CDYL: variants seen among roughly 807,000 people sequenced by gnomAD.
CDYL encodes the protein chromodomain Y-like protein.
A neutral mutation model predicts 47.3 loss-of-function variants in CDYL; 8 were observed. The observed-to-expected ratio is 0.17, with a 90% confidence interval of 0.10 to 0.31. The LOEUF (loss-of-function observed/expected upper bound fraction) is 0.31, where lower values mean the gene tolerates loss of function less well. Among genes scored for constraint, CDYL ranks in the 10% least tolerant of loss-of-function variants. The pLI is 1.00. For synonymous variants in CDYL, 266 were observed against 265.0 expected (o/e 1.00, Z -0.04); for missense variants, 471 against 701.4 (o/e 0.67, Z 3.71).
chr6:4,717,098 G>A (rs1458013937), intron 2 of CDYL, among the ~76,000 whole-genome samples: 1 of 152,156 alleles, frequency 6.6e-6, no homozygotes, highest in Non-Finnish European at 1.5e-5. Context: ...AGGAAGAAAA[G>A]GGTGGGTAGG....
intron 2 of CDYL, among the ~76,000 whole-genome samples, chr6:4,930,001 G>C (rs1486147091): frequency 6.6e-6 from 1 of 152,084 alleles, no homozygotes; most frequent in African/African-American, 2.4e-5. Context: ...ATATCAGTTT[G>C]ATCCTTTCAC....
chr6:4,893,509 A>G (rs892648889), intron 2 of CDYL, among the ~76,000 whole-genome samples: 23 of 152,224 alleles, frequency 1.5e-4, no homozygotes, highest in African/African-American at 5.5e-4. Context: ...CCTGGCCAAC[A>G]TGGTGAAACC....
intron 1 of CDYL, among the ~76,000 whole-genome samples, chr6:4,708,232 T>C (rs1028230038): frequency 1.3e-5 from 2 of 152,136 alleles, no homozygotes; most frequent in Non-Finnish European, 2.9e-5. Flanking sequence ...GGCATGATCT[T>C]GACTTACTGC....
chr6:4,839,896 A>G (rs189955236), intron 1 of CDYL, among the ~76,000 whole-genome samples: 1 of 152,020 alleles, frequency 6.6e-6, no homozygotes, highest in Non-Finnish European at 1.5e-5. Flanking sequence ...TGCTTTGGTT[A>G]TGTGGGCAGT....
intron 3 of CDYL, among the ~76,000 whole-genome samples, chr6:4,738,963 C>T (rs1173014719): frequency 6.6e-6 from 1 of 151,412 alleles, no homozygotes; most frequent in Non-Finnish European, 1.5e-5. Flanking sequence ...GGAGTTCAAG[C>T]CCAGCCTGAC....
chr6:4,722,882 A>T (rs559822054), intron 2 of CDYL, among the ~76,000 whole-genome samples: 1 of 152,198 alleles, frequency 6.6e-6, no homozygotes, highest in Non-Finnish European at 1.5e-5. Flanking sequence ...TGTCTCAAAA[A>T]ATAAAATAAA....
intron 1 of CDYL, among the ~76,000 whole-genome samples, chr6:4,791,981 C>A (rs2127435100): frequency 6.7e-6 from 1 of 150,020 alleles, no homozygotes; most frequent in South Asian, 2.1e-4. Flanking sequence ...CTCCTGGGTT[C>A]ACGCCATTCT....
chr6:4,769,533 T>C (rs110284), intron 3 of CDYL, among the ~76,000 whole-genome samples: 17,812 of 152,216 alleles, frequency 0.12, 1,764 homozygotes, highest in African/African-American at 0.27. Context: ...TTTTTTAAAA[T>C]GCTAAATGTA....
At chr6:4,878,601 AT>A (rs2127476839) in intron 1 of CDYL, among the ~76,000 whole-genome samples, 1 of 152,062 alleles carries the variant, frequency 6.6e-6, no homozygotes, top group South Asian at 2.1e-4. Context: ...ATATTTTGTT[AT>A]TTTAATGTCT....
intron 3 of CDYL, among the ~76,000 whole-genome samples, chr6:4,741,618 A>G (rs893235923): frequency 1.3e-4 from 20 of 152,202 alleles, no homozygotes; most frequent in Admixed American, 3.3e-4. Flanking sequence ...TTTTAAGAAC[A>G]CTTCCAGGCA....
At chr6:4,779,795 A>G (rs1373214312) in intron 1 of CDYL, among the ~76,000 whole-genome samples, 1 of 152,168 alleles carries the variant, frequency 6.6e-6, no homozygotes, top group African/African-American at 2.4e-5. Flanking sequence ...CTTGTGGGTT[A>G]TATTATGGTC....
At chr6:4,889,558 T>G (rs906085816) in intron 1 of CDYL, among the ~76,000 whole-genome samples, 1 of 152,158 alleles carries the variant, frequency 6.6e-6, no homozygotes, top group African/African-American at 2.4e-5. Flanking sequence ...ATCAAAAGAA[T>G]AATAATATTT....
At chr6:4,794,459 T>C (rs1759014014) in intron 1 of CDYL, among the ~76,000 whole-genome samples, 1 of 152,074 alleles carries the variant, frequency 6.6e-6, no homozygotes, top group African/African-American at 2.4e-5. Flanking sequence ...GTGGTGATTA[T>C]GGGCGACTCC....
At chr6:4,851,674 T>C (rs544756192) in intron 1 of CDYL, among the ~76,000 whole-genome samples, 109 of 152,246 alleles carry the variant, frequency 7.2e-4, no homozygotes, top group Admixed American at 1.7e-3. Context: ...ACGCATTGCA[T>C]CCACCAGCAC....
At chr6:4,709,523 T>TA (rs1389213674) in intron 1 of CDYL, among the ~76,000 whole-genome samples, 3 of 152,080 alleles carry the variant, frequency 2.0e-5, no homozygotes, top group African/African-American at 7.2e-5. Context: ...TGGCTTCTCT[T>TA]ACACCTAGTG....
At chr6:4,885,911 C>G (rs924454798) in intron 1 of CDYL, among the ~76,000 whole-genome samples, 1 of 152,112 alleles carries the variant, frequency 6.6e-6, no homozygotes. Flanking sequence ...CCTATTTACC[C>G]CTGTTACCTT....
At chr6:4,930,769 T>C (rs1020765321) in intron 2 of CDYL, among the ~76,000 whole-genome samples, 1 of 152,240 alleles carries the variant, frequency 6.6e-6, no homozygotes, top group Non-Finnish European at 1.5e-5. Flanking sequence ...GAAAATCAAT[T>C]ACTGCAAGAG....
chr6:4,734,817 C>A, exon 3 of CDYL: 3 of 1,614,104 alleles, frequency 1.9e-6, no homozygotes, highest in Non-Finnish European at 2.5e-6. Flanking sequence ...GTGAGCAAAG[C>A]GGGGCACAGC....
chr6:4,758,351 A>AAAAAATATATAT (rs1554134098), intron 3 of CDYL, among the ~76,000 whole-genome samples: 1 of 129,074 alleles, frequency 7.7e-6, no homozygotes, highest in African/African-American at 3.1e-5. Context: ...AAAATAAATA[A>AAAAAATATATAT]ATATATATAT....
Sources: gnomAD v4.1 joint callset for allele counts (sites outside exome capture counted in the v4.1 genomes callset) on GRCh38, gnomAD v4.1.1 for gene constraint, MANE v1.5 for transcripts, NCBI Gene and HGNC (gene_info 2026-07-23, HGNC 2026-07-21) for gene names.